The following SH3YL1 variants were observed in gnomAD, a reference collection of about 807,000 sequenced individuals.
SH3YL1 encodes the protein SH3 and SYLF domain containing 1.
In SH3YL1, 41 loss-of-function variants were observed where a neutral mutation model predicts 45.8. The observed-to-expected ratio is 0.89, with a 90% CI of 0.70 to 1.16. SH3YL1 has a LOEUF of 1.16. Among genes scored for constraint, SH3YL1 ranks in the 50% most tolerant of loss-of-function variants. The pLI, the probability that SH3YL1 is intolerant of heterozygous loss-of-function variation, is 0.00. For synonymous variants in SH3YL1, 152 were observed against 151.4 expected (o/e 1.00, Z -0.03); for missense variants, 389 against 409.6 (o/e 0.95, Z 0.43).
At chr2:234,341 A>G (rs1668190741) in intron 4 of SH3YL1, 69 bp from the exon 5 acceptor site, 1 of 1,164,636 alleles carries the variant, frequency 8.6e-7, no homozygotes, top group Non-Finnish European at 1.3e-6. Context: ...CATCTTGACT[A>G]ACACTCAACT....
chr2:223,260 A>G (rs1365782339), intron 9 of SH3YL1, among the ~76,000 whole-genome samples: 1 of 152,148 alleles, frequency 6.6e-6, no homozygotes, highest in Non-Finnish European at 1.5e-5. Context: ...TTATCAGGAA[A>G]CGTTTTTCCT....
At chr2:219,853 C>A (rs1256621894) in intron 9 of SH3YL1, among the ~76,000 whole-genome samples, 2 of 152,028 alleles carry the variant, frequency 1.3e-5, no homozygotes, top group Non-Finnish European at 1.5e-5. Context: ...TTGATCCATC[C>A]TCTCAATATC....
At chr2:232,028 T>C (rs991291139) in intron 6 of SH3YL1, among the ~76,000 whole-genome samples, 7 of 151,950 alleles carry the variant, frequency 4.6e-5, no homozygotes, top group Non-Finnish European at 8.8e-5. Flanking sequence ...ATGCCAGCAG[T>C]GCCAGCCGAT....
chr2:262,483 G>C (rs554616992), intron 1 of SH3YL1: 3 of 738,772 alleles, frequency 4.1e-6, no homozygotes, highest in Admixed American at 3.6e-5. Context: ...TGAAGAGTGT[G>C]ATCTTGGTAC....
At chr2:224,805 A>C in intron 9 of SH3YL1, 59 bp downstream of exon 9, 1 of 1,221,472 alleles carries the variant, frequency 8.2e-7, no homozygotes, top group Non-Finnish European at 1.2e-6. Context: ...ATTAATTAGG[A>C]AGTTTGTGAT....
At chr2:219,912 C>T (rs190505492) in intron 9 of SH3YL1, among the ~76,000 whole-genome samples, 1 of 152,058 alleles carries the variant, frequency 6.6e-6, no homozygotes, top group Non-Finnish European at 1.5e-5. Context: ...ACATGTTTCA[C>T]AAGTACTTCA....
chr2:243,473 G>A, intron 4 of SH3YL1: 1 of 1,495,010 alleles, frequency 6.7e-7, no homozygotes, highest in African/African-American at 1.4e-5. Context: ...ATAATATTTT[G>A]AGATTAAGGA....
chr2:257,255 TTTTG>T (rs1319049043), intron 1 of SH3YL1, among the ~76,000 whole-genome samples: 1 of 152,216 alleles, frequency 6.6e-6, no homozygotes, highest in African/African-American at 2.4e-5. Flanking sequence ...ATTTGTCAAT[TTTTG>T]TTTTTGTTGT....
At chr2:256,063 C>A (rs984611620) in intron 1 of SH3YL1, 1 of 152,204 alleles carries the variant, frequency 6.6e-6, no homozygotes, top group Admixed American at 6.5e-5. Flanking sequence ...CATCCGTGCC[C>A]TCTGTAGTGG....
intron 4 of SH3YL1, among the ~76,000 whole-genome samples, chr2:245,946 A>G (rs1447457193): frequency 1.3e-5 from 2 of 152,242 alleles, no homozygotes; most frequent in Non-Finnish European, 2.9e-5. Flanking sequence ...CTGTAATCCC[A>G]GCACTTTAGG....
chr2:238,099 C>T (rs1668384602), intron 4 of SH3YL1, among the ~76,000 whole-genome samples: 1 of 152,148 alleles, frequency 6.6e-6, no homozygotes, highest in African/African-American at 2.4e-5. Context: ...TGATTGACTG[C>T]TGTCAGCCTT....
chr2:229,505 A>G (rs535539593), intron 8 of SH3YL1, among the ~76,000 whole-genome samples: 207 of 152,102 alleles, frequency 1.4e-3, no homozygotes, highest in Middle Eastern at 6.8e-3. Flanking sequence ...CGAGGCGGGC[A>G]GATCACGAGG....
At chr2:244,368 C>T (rs1188751505) in intron 4 of SH3YL1, among the ~76,000 whole-genome samples, 1 of 151,818 alleles carries the variant, frequency 6.6e-6, no homozygotes, top group Non-Finnish European at 1.5e-5. Flanking sequence ...TGGTGGCGGG[C>T]GCCTGTAGTC....
At chr2:221,974 G>T (rs1667599568) in intron 9 of SH3YL1, among the ~76,000 whole-genome samples, 1 of 152,072 alleles carries the variant, frequency 6.6e-6, no homozygotes, top group Non-Finnish European at 1.5e-5. Context: ...TGCCCACAAA[G>T]AATTCACCAA....
At chr2:246,863 A>G (rs1011613860) in intron 4 of SH3YL1, among the ~76,000 whole-genome samples, 3 of 152,234 alleles carry the variant, frequency 2.0e-5, no homozygotes, top group African/African-American at 7.2e-5. Context: ...ATTTACAACT[A>G]TGTCAACAGG....
chr2:242,641 T>C (rs1008755852), intron 4 of SH3YL1, among the ~76,000 whole-genome samples: 1 of 152,098 alleles, frequency 6.6e-6, no homozygotes, highest in Non-Finnish European at 1.5e-5. Context: ...ATGGCTGATA[T>C]AAATCCAATG....
intron 3 of SH3YL1, among the ~76,000 whole-genome samples, chr2:249,097 G>T (rs944101957): frequency 6.6e-6 from 1 of 152,128 alleles, no homozygotes; most frequent in African/African-American, 2.4e-5. Flanking sequence ...TGTTAAATTG[G>T]TATAAAAAAC....
intron 4 of SH3YL1, among the ~76,000 whole-genome samples, chr2:235,025 G>A (rs573044176): frequency 7.9e-4 from 120 of 152,152 alleles, no homozygotes; most frequent in Middle Eastern, 3.4e-3. Flanking sequence ...TTACAGGCAC[G>A]TCACCATGTC....
chr2:229,312 G>A (rs1409130377), intron 8 of SH3YL1, among the ~76,000 whole-genome samples: 1 of 152,084 alleles, frequency 6.6e-6, no homozygotes. Context: ...ATATGAGTAT[G>A]ATAAGAAAAA....
Sources: gnomAD v4.1 joint callset for allele counts (sites outside exome capture counted in the v4.1 genomes callset) on GRCh38, gnomAD v4.1.1 for gene constraint, MANE v1.5 for transcripts, NCBI Gene and HGNC (gene_info 2026-07-23, HGNC 2026-07-21) for gene names.